Variants in LRP1B observed in about 807,000 individuals in gnomAD.
LRP1B encodes LDL receptor related protein 1B, also known as low-density lipoprotein receptor-related protein 1B.
In LRP1B, 217 loss-of-function variants were observed where a neutral mutation model predicts 556.6. That is an observed-to-expected ratio of 0.39 (90% CI 0.35 to 0.44). LRP1B has a LOEUF of 0.44. LRP1B is among the 20% of genes least tolerant of loss of function. The pLI is 1.00. For missense variants in LRP1B, 5,053 were observed against 5,620.8 expected (o/e 0.90, Z 3.23); for synonymous variants, 2,047 against 1,865.8 (o/e 1.10, Z -2.50).
At chr2:140,390,987 C>T (rs1163702927) in intron 66 of LRP1B, among the ~76,000 whole-genome samples, 1 of 151,970 alleles carries the variant, frequency 6.6e-6, no homozygotes, top group Admixed American at 6.6e-5. Flanking sequence ...TAAAGGTAAA[C>T]ATATCTACCA....
At chr2:140,422,071 A>C (rs951484088) in intron 66 of LRP1B, among the ~76,000 whole-genome samples, 3 of 152,246 alleles carry the variant, frequency 2.0e-5, no homozygotes, top group Non-Finnish European at 4.4e-5. Context: ...ACGGACACAA[A>C]AAATAAAATG....
intron 66 of LRP1B, among the ~76,000 whole-genome samples, chr2:140,409,072 G>A (rs753408507): frequency 7.9e-5 from 12 of 151,726 alleles, no homozygotes; most frequent in Non-Finnish European, 1.2e-4. Flanking sequence ...TGCTTATTTA[G>A]GTCTTTGTCA....
intron 7 of LRP1B, among the ~76,000 whole-genome samples, chr2:141,121,704 C>G (rs1427985139): frequency 1.3e-5 from 2 of 152,062 alleles, no homozygotes; most frequent in African/African-American, 2.4e-5. Context: ...AATGCCATCC[C>G]CATCAAGCTA....
chr2:141,493,773 GAAC>G (rs1427134839), intron 2 of LRP1B, among the ~76,000 whole-genome samples: 1 of 152,132 alleles, frequency 6.6e-6, no homozygotes, highest in African/African-American at 2.4e-5. Context: ...GCTGTATCAT[GAAC>G]ACCAGTTAAA....
At chr2:140,334,376 A>G (rs908805522) in intron 79 of LRP1B, 77 bp downstream of exon 79, 2 of 897,628 alleles carry the variant, frequency 2.2e-6, no homozygotes. Context: ...TATATTGCCA[A>G]CAACACTAGA....
At chr2:141,277,752 T>C (rs1393108518) in intron 3 of LRP1B, among the ~76,000 whole-genome samples, 1 of 151,512 alleles carries the variant, frequency 6.6e-6, no homozygotes, top group Non-Finnish European at 1.5e-5. Context: ...GAGGTGAATG[T>C]TCTCACCCAA....
At chr2:140,579,316 T>A (rs1391989820) in intron 43 of LRP1B, among the ~76,000 whole-genome samples, 1 of 150,822 alleles carries the variant, frequency 6.6e-6, no homozygotes, top group East Asian at 1.9e-4. Context: ...GATCAGTAGC[T>A]TTTTTTTTAG....
intron 2 of LRP1B, among the ~76,000 whole-genome samples, chr2:141,639,252 G>A (rs572260042): frequency 3.8e-5 from 5 of 132,416 alleles, no homozygotes; most frequent in Admixed American, 2.4e-4. Context: ...AGAGCACCAC[G>A]CAGACTGAGA....
intron 3 of LRP1B, among the ~76,000 whole-genome samples, chr2:141,392,242 C>T (rs773310928): frequency 2.0e-5 from 3 of 152,000 alleles, no homozygotes; most frequent in Non-Finnish European, 4.4e-5. Context: ...ACCATAGATA[C>T]TCCCCATGTA....
chr2:140,265,402 C>A (rs1324310162), intron 86 of LRP1B, among the ~76,000 whole-genome samples: 1 of 152,162 alleles, frequency 6.6e-6, no homozygotes, highest in Non-Finnish European at 1.5e-5. Context: ...CTTCTGTTGG[C>A]ATTTTCTGTT....
At chr2:142,022,410 T>G (rs962632236) in intron 1 of LRP1B, among the ~76,000 whole-genome samples, 1 of 151,964 alleles carries the variant, frequency 6.6e-6, no homozygotes, top group Non-Finnish European at 1.5e-5. Context: ...TGTTTTGTTT[T>G]AAAAGGTAAG....
chr2:140,791,108 G>C (rs1390956827), intron 32 of LRP1B, among the ~76,000 whole-genome samples: 1 of 152,028 alleles, frequency 6.6e-6, no homozygotes, highest in East Asian at 1.9e-4. Flanking sequence ...ACAAAAATTA[G>C]CTTGGCATAG....
At chr2:140,752,398 C>A (rs1041628788) in intron 35 of LRP1B, among the ~76,000 whole-genome samples, 9 of 149,486 alleles carry the variant, frequency 6.0e-5, no homozygotes, top group African/African-American at 2.2e-4. Context: ...AATCTCGGCT[C>A]ACTGCAAACT....
At chr2:141,279,384 G>T (rs955284039) in intron 3 of LRP1B, among the ~76,000 whole-genome samples, 6 of 151,916 alleles carry the variant, frequency 3.9e-5, no homozygotes, top group African/African-American at 1.5e-4. Context: ...TTGGTTCTAT[G>T]GATTTTTGAT....
In LRP1B at chr2:141,107,239, T is replaced by C. The variant is rs1700628066; in HGVS notation, c.1014-44966A>G. The stretch of plus-strand genomic sequence containing the variant: ...ATTTTTTATGTGGTGTTTTAAATTA[T>C]GGAGATAAAAATAAACTGCAGTTAT... On this transcript the variant is annotated intron_variant, in intron 7 of 90. Transcript: ENST00000389484. Among the ~76,000 whole-genome samples the C allele has an allele frequency of 4.6e-5, 7 of 152,278 alleles. No individual in the cohort carries two copies. The South Asian group carries it at 1.2e-3, about 27-fold the overall frequency.
At chr2:141,117,862 C>T (rs1386709866) in intron 7 of LRP1B, among the ~76,000 whole-genome samples, 1 of 151,898 alleles carries the variant, frequency 6.6e-6, no homozygotes, top group Non-Finnish European at 1.5e-5. Flanking sequence ...TGTTAAAACT[C>T]ACTAAATCTT....
rs539723559 is a variant in LRP1B at position 141,000,519 on chromosome 2, G to A, written c.2503+4816C>T. 2.4e-4 allele frequency among the ~76,000 whole-genome samples: 37 copies of A among 152,128 alleles called. 2 individuals carry two copies. The South Asian group carries it at 7.7e-3, about 32-fold the overall frequency. ...GATGTGTCTATTACAAGTACAGGTG[G>A]AGATGCCACAGGCTTCTCTCCTCAG... is the stretch of plus-strand genomic sequence containing the variant. On this transcript the variant is annotated intron_variant, in intron 15 of 90. Transcript: ENST00000389484.
At chr2:140,543,623 C>T (rs1179881421) in intron 43 of LRP1B, among the ~76,000 whole-genome samples, 2 of 151,950 alleles carry the variant, frequency 1.3e-5, no homozygotes, top group East Asian at 3.9e-4. Flanking sequence ...GGTGATCACT[C>T]TCACTACTTC....
intron 3 of LRP1B, among the ~76,000 whole-genome samples, chr2:141,395,744 GA>G (rs1690218472): frequency 6.6e-6 from 1 of 152,110 alleles, no homozygotes; most frequent in African/African-American, 2.4e-5. Context: ...ATGAAAAACA[GA>G]GGCAGAGAAA....
Sources: gnomAD v4.1 joint callset for allele counts (sites outside exome capture counted in the v4.1 genomes callset) on GRCh38, gnomAD v4.1.1 for gene constraint, MANE v1.5 for transcripts, NCBI Gene and HGNC (gene_info 2026-07-23, HGNC 2026-07-21) for gene names.